The following FMNL2 variants were observed in gnomAD, a reference collection of about 807,000 sequenced individuals.
FMNL2 encodes the protein formin like 2.
FMNL2 carries 51 observed loss-of-function variants against 130.2 expected under a neutral mutation model. The ratio of observed to expected loss-of-function variants is 0.39; its 90% CI spans 0.31 to 0.49. The LOEUF is 0.49. Ranked by LOEUF, FMNL2 falls within the 20% of genes least tolerant of loss-of-function variation. The probability of loss-of-function intolerance (pLI) is 0.85; values close to 1 mark genes in which losing one functional copy is unlikely to be tolerated. For missense variants in FMNL2, 977 were observed against 1,316.2 expected (o/e 0.74, Z 3.99); for synonymous variants, 465 against 467.1 (o/e 1.00, Z 0.06).
intron 4 of FMNL2, among the ~76,000 whole-genome samples, chr2:152,550,057 T>C (rs1694851645): frequency 6.6e-6 from 1 of 152,212 alleles, no homozygotes; most frequent in Non-Finnish European, 1.5e-5. Context: ...ATAGTTCTTC[T>C]TGAAAACCAT....
At chr2:152,634,209 G>T (rs1682388624) in intron 21 of FMNL2, among the ~76,000 whole-genome samples, 2 of 152,112 alleles carry the variant, frequency 1.3e-5, no homozygotes. Context: ...GAGGCGGGCG[G>T]ATCACTTGAG....
At position 152,643,362 on chromosome 2, in the gene FMNL2, G is replaced by T. The variant is rs1683260632; in HGVS notation, c.3169+2448G>T. The T allele has an allele frequency of 3.9e-6, 6 of 1,533,356 alleles. No individual in the cohort carries two copies. The African/African-American group carries it at 8.2e-5, about 21-fold the overall frequency. The allele number at this position is 1,533,356 out of a possible 1,614,324, so 95.0% of individuals were successfully genotyped here. A position where few individuals can be genotyped will look rare whatever the true frequency, so the allele number is the denominator to read the frequency against. ...GCACTAACCATGTACTAATGCAATA[G>T]ATCTTGGCTTTTTATTCTCTTCTGT... is the stretch of plus-strand genomic sequence containing the variant. On this transcript the variant is annotated intron_variant, in intron 25 of 25. Coordinates refer to ENST00000288670, the MANE Select transcript of FMNL2 (RefSeq NM_052905.4).
At chr2:152,446,223 T>C (rs920769972) in intron 1 of FMNL2, among the ~76,000 whole-genome samples, 7 of 152,206 alleles carry the variant, frequency 4.6e-5, no homozygotes, top group Admixed American at 1.3e-4. Flanking sequence ...TTTTAATGAG[T>C]AGCTTTTTAA....
chr2:152,643,851 A>C (rs1327478894), intron 25 of FMNL2: 9 of 985,358 alleles, frequency 9.1e-6, no homozygotes, highest in Non-Finnish European at 1.1e-5. Context: ...GGTACCAAGT[A>C]GATTGCTTAT....
intron 1 of FMNL2, among the ~76,000 whole-genome samples, chr2:152,466,910 C>A (rs1380268015): frequency 6.6e-6 from 1 of 152,184 alleles, no homozygotes; most frequent in Non-Finnish European, 1.5e-5. Flanking sequence ...CTAAGGCTTG[C>A]CGCTTCTCTT....
chr2:152,450,179 C>T (rs1688558557), intron 1 of FMNL2, among the ~76,000 whole-genome samples: 1 of 152,072 alleles, frequency 6.6e-6, no homozygotes, highest in Non-Finnish European at 1.5e-5. Context: ...AAATTATACA[C>T]ATTTCTAAAC....
intron 11 of FMNL2, among the ~76,000 whole-genome samples, chr2:152,612,511 C>T (rs757152663): frequency 1.2e-4 from 19 of 152,290 alleles, no homozygotes; most frequent in Non-Finnish European, 2.5e-4. Flanking sequence ...CAGAGCGAGA[C>T]CCTGTGTCTA....
chr2:152,636,317 G>A (rs1682599173), intron 21 of FMNL2, 110 bp from the exon 22 acceptor site: 3 of 1,141,736 alleles, frequency 2.6e-6, no homozygotes, highest in African/African-American at 1.6e-5. Context: ...CTAGGTTTAG[G>A]GCCCTTGAGT....
At chr2:152,344,794 G>C (rs1476305881) in intron 1 of FMNL2, among the ~76,000 whole-genome samples, 1 of 152,164 alleles carries the variant, frequency 6.6e-6, no homozygotes, top group South Asian at 2.1e-4. Flanking sequence ...ACAAAGACTT[G>C]ATGAGCTTGG....
At chr2:152,342,538 T>C (rs1233011666) in intron 1 of FMNL2, among the ~76,000 whole-genome samples, 4 of 152,220 alleles carry the variant, frequency 2.6e-5, no homozygotes, top group Non-Finnish European at 5.9e-5. Flanking sequence ...AGCCTTCATG[T>C]ACCTTCTTAG....
intron 1 of FMNL2, among the ~76,000 whole-genome samples, chr2:152,510,553 T>A (rs1645161436): frequency 6.6e-6 from 1 of 152,216 alleles, no homozygotes; most frequent in Non-Finnish European, 1.5e-5. Context: ...AGACATTATG[T>A]GTGAATTAAC....
At chr2:152,373,847 G>A (rs1226406936) in intron 1 of FMNL2, among the ~76,000 whole-genome samples, 1 of 151,492 alleles carries the variant, frequency 6.6e-6, no homozygotes, top group African/African-American at 2.4e-5. Context: ...AGTTCAACTC[G>A]ATTCATGAAG....
At chr2:152,478,245 TA>T (rs372665876) in intron 1 of FMNL2, among the ~76,000 whole-genome samples, 2,752 of 40,118 alleles carry the variant, frequency 0.069, 34 homozygotes, top group Middle Eastern at 0.11. Context: ...TATATATATA[TA>T]TATATTTTTT....
chr2:152,593,101 A>G (rs1297817079), intron 9 of FMNL2, among the ~76,000 whole-genome samples: 1 of 152,186 alleles, frequency 6.6e-6, no homozygotes, highest in Non-Finnish European at 1.5e-5. Flanking sequence ...CAAAGGCAGC[A>G]TAAGTCAGAA....
intron 1 of FMNL2, among the ~76,000 whole-genome samples, chr2:152,377,202 T>A (rs1684223048): frequency 6.6e-6 from 1 of 152,260 alleles, no homozygotes. Flanking sequence ...TTCATCTGGT[T>A]CATTGCTGAA....
At chr2:152,628,596 A>G (rs1681959306) in intron 18 of FMNL2, 63 bp downstream of exon 18, 1 of 1,420,748 alleles carries the variant, frequency 7.0e-7, no homozygotes, top group Non-Finnish European at 9.9e-7. Context: ...TATTTTTTAA[A>G]GTCTCTCCCA....
At chr2:152,631,891 G>T (rs1343586500) in intron 20 of FMNL2, 117 bp from the exon 21 acceptor site, 3 of 1,141,682 alleles carry the variant, frequency 2.6e-6, no homozygotes, top group Non-Finnish European at 3.6e-6. Flanking sequence ...GAATGCTCCA[G>T]CCTGTTGGGC....
At chr2:152,646,229 C>T (rs763246234) in intron 25 of FMNL2, among the ~76,000 whole-genome samples, 7 of 151,722 alleles carry the variant, frequency 4.6e-5, no homozygotes, top group African/African-American at 9.7e-5. Context: ...CTACCTGGGA[C>T]GCTGAGATGT....
At chr2:152,366,044 G>A (rs1683512732) in intron 1 of FMNL2, among the ~76,000 whole-genome samples, 1 of 152,098 alleles carries the variant, frequency 6.6e-6, no homozygotes, top group East Asian at 1.9e-4. Context: ...ATGGATCCCA[G>A]GTTTAGAGCC....
Sources: allele counts gnomAD v4.1 joint callset (sites outside exome capture counted in the v4.1 genomes callset), GRCh38; gene constraint gnomAD v4.1.1; transcripts MANE v1.5; gene names NCBI Gene and HGNC (gene_info 2026-07-23, HGNC 2026-07-21).